Variants in SPG11 observed in about 807,000 individuals in gnomAD.
SPG11 encodes spatacsin.
Under a neutral mutation model 274.0 loss-of-function variants are expected in SPG11, and 222 were observed. That is an observed-to-expected ratio of 0.81 (90% CI 0.73 to 0.91). The LOEUF is 0.91. Ranked by LOEUF, SPG11 falls within the 40% of genes least tolerant of loss-of-function variation. SPG11 has a pLI of 0.00. For missense variants in SPG11, 3,114 were observed against 2,872.7 expected, an observed-to-expected ratio of 1.08 and a Z score of -1.92; for synonymous variants, 1,144 against 1,039.7, an observed-to-expected ratio of 1.10 and a Z score of -1.93.
chr15:44,636,943 AAAAAAAAAAAAAAAC>A lies in SPG11; in HGVS notation c.1603-3321_1603-3307del, dbSNP rs1462868799. On this transcript the variant is annotated intron_variant, in intron 7 of 39. Coordinates refer to ENST00000261866, the MANE Select transcript of SPG11 (RefSeq NM_025137.4). ...TCCATCTCAAAAAAAAAAAAAAAAA[AAAAAAAAAAAAAAAC>A]AAAAAAAAAACACAAATGTGGTAAA... Among the ~76,000 whole-genome samples the A allele has an allele frequency of 2.5e-3, 294 of 115,926 alleles. 6 individuals are homozygous for A. Among genetic ancestry groups the A allele is most frequent in the African/African-American group, 9.9e-3 (277 of 28,114 alleles). 76.1% of individuals were successfully genotyped at this position (115,926 alleles called of 152,430 possible).
In SPG11 at chr15:44,573,696, A is replaced by G. The variant is rs1268897921; in HGVS notation, c.6056T>C (p.Met2019Thr). ...CTGAGAGGCCAAGATTTTCCGGAGC[A>G]TGGCTTCACCATCCTGAGCAGCAAC... ...TDVAAQDGEAMLRKILASQQP... is the reference protein window; with the variant it reads ...TDVAAQDGEATLRKILASQQP... The change falls in exon 32 of 40, where the codon ATG (methionine) becomes ACG (threonine). Residue 2019 changes from methionine to threonine, a missense_variant. By Grantham distance (81) the Met-to-Thr change is moderately conservative. Transcript: ENST00000261866. 5.0e-6 allele frequency: 8 copies of G among 1,614,076 alleles called. No homozygotes were observed. Among genetic ancestry groups the G allele is most frequent in the Admixed American group, 1.7e-5 (1 of 59,996 alleles).
intron 7 of SPG11, among the ~76,000 whole-genome samples, chr15:44,634,626 G>A (rs760207369): frequency 1.3e-5 from 2 of 151,494 alleles, no homozygotes; most frequent in African/African-American, 2.4e-5. Flanking sequence ...TTGCTCTGTC[G>A]CCCAGGCTGG....
intron 30 of SPG11, among the ~76,000 whole-genome samples, chr15:44,580,223 A>G (rs1016177363): frequency 6.6e-6 from 1 of 152,236 alleles, no homozygotes; most frequent in Non-Finnish European, 1.5e-5. Flanking sequence ...ACTACAGTAC[A>G]GTAGCATGCT....
chr15:44,648,130 C>T lies in SPG11; in HGVS notation c.1602+736G>A, dbSNP rs115820058. ...TCTGTCTCATATGGTTGTTTTGGGA[C>T]CAAATTAGATATTCCATGTAAAAGA... On this transcript the variant is annotated intron_variant, in intron 7 of 39. Transcript: ENST00000261866. Among the ~76,000 whole-genome samples the T allele has an allele frequency of 2.4e-3, 372 of 152,166 alleles. 2 individuals carry two copies. Among genetic ancestry groups the T allele is most frequent in the African/African-American group, 8.7e-3 (360 of 41,510 alleles).
At position 44,564,240 on chromosome 15, in the gene SPG11, G is replaced by A. The variant is rs181845558; in HGVS notation, c.7151+307C>T. ...ACTCCTGACCTCAAGTGATCCTCCC[G>A]CCTCGGCCTCCCATAGTGCTGGGAT... On this transcript the variant is annotated intron_variant, in intron 39 of 39. Coordinates refer to ENST00000261866, the MANE Select transcript of SPG11 (RefSeq NM_025137.4). Among the ~76,000 whole-genome samples the A allele has an allele frequency of 4.1e-3, 617 of 152,216 alleles. 5 individuals are homozygous for A. The highest frequency in any genetic ancestry group is 0.014 in the African/African-American group (581 of 41,518).
rs910255626 is a variant in SPG11, at chr15:44,574,708, G to A, written c.6006+194C>T. On this transcript the variant is annotated intron_variant, in intron 31 of 39. Transcript: ENST00000261866. ...CTGAGCTGCAGCCAGGAGTCAGATC[G>A]CCCTGGCACCTGGCCTGGTGTCCTC... Among the ~76,000 whole-genome samples the A allele has an allele frequency of 2.0e-5, 3 of 152,118 alleles. No individual in the cohort carries two copies. The highest frequency in any genetic ancestry group is 4.4e-5 in the Non-Finnish European group (3 of 68,020).
intron 1 of SPG11, among the ~76,000 whole-genome samples, chr15:44,662,827 G>A (rs1333708949): frequency 1.3e-5 from 2 of 152,148 alleles, no homozygotes; most frequent in African/African-American, 4.8e-5. Context: ...AGAAAGAAGT[G>A]TCTTACTCAA....
intron 7 of SPG11, 22 bp downstream of exon 7, chr15:44,648,844 C>T (rs1269570262): frequency 1.9e-6 from 3 of 1,611,562 alleles, no homozygotes; most frequent in Admixed American, 3.3e-5. Flanking sequence ...AAGTAATGTT[C>T]TTGGGCATTT....
intron 7 of SPG11, among the ~76,000 whole-genome samples, chr15:44,637,710 AC>A (rs2084319434): frequency 1.3e-5 from 2 of 152,234 alleles, no homozygotes. Context: ...GGCTACATTT[AC>A]AATGGTGGTT....
At chr15:44,598,591 C>T (rs754363984) in intron 22 of SPG11, 40 bp downstream of exon 22, 6 of 1,589,132 alleles carry the variant, frequency 3.8e-6, no homozygotes, top group Non-Finnish European at 2.6e-6. Flanking sequence ...CCTCGTCACA[C>T]CTTCTCTAAA....
chr15:44,625,691 C>T (rs2141036310), intron 11 of SPG11, among the ~76,000 whole-genome samples: 1 of 152,158 alleles, frequency 6.6e-6, no homozygotes, highest in Admixed American at 6.6e-5. Context: ...TATTTAGTTA[C>T]TTTTTGAGAT....
intron 16 of SPG11, among the ~76,000 whole-genome samples, chr15:44,613,791 TAATA>T (rs1174144800): frequency 6.6e-6 from 1 of 152,234 alleles, no homozygotes; most frequent in African/African-American, 2.4e-5. Flanking sequence ...TTTATCAGAT[TAATA>T]GATACCTTGT....
intron 8 of SPG11, among the ~76,000 whole-genome samples, chr15:44,631,661 CTTT>C (rs778676384): frequency 8.0e-6 from 1 of 124,718 alleles, no homozygotes; most frequent in Non-Finnish European, 1.7e-5. Context: ...CTGCATCAGG[CTTT>C]TTTTTTTTTT....
rs753002460 is a variant in SPG11 at position 44,660,630 on chromosome 15, T to C, written c.258-14A>G. Reference sequence around the variant, plus strand: ...TCCCATAGAAAGCTAAGAAAAAAAGTTTAGATTTATTATATTCTATATCCG... The same window carrying C: ...TCCCATAGAAAGCTAAGAAAAAAAGCTTAGATTTATTATATTCTATATCCG... On this transcript the variant is annotated splice_polypyrimidine_tract_variant and intron_variant, in intron 1 of 39. Coordinates refer to ENST00000261866, the MANE Select transcript of SPG11 (RefSeq NM_025137.4). 1.2e-6 allele frequency: 2 copies of C among 1,612,504 alleles called. No individual in the cohort carries two copies. Among genetic ancestry groups the C allele is most frequent in the East Asian group, 4.5e-5 (2 of 44,866 alleles).
intron 11 of SPG11, among the ~76,000 whole-genome samples, chr15:44,625,577 C>T (rs983503418): frequency 4.6e-5 from 7 of 152,180 alleles, no homozygotes; most frequent in African/African-American, 1.7e-4. Context: ...TGTAAGTTTC[C>T]TGAGGCCTCC....
At chr15:44,595,913 T>C in intron 25 of SPG11, 170 bp downstream of exon 25, 1 of 854,188 alleles carries the variant, frequency 1.2e-6, no homozygotes, top group African/African-American at 1.7e-5. Context: ...GTACACCAAA[T>C]GGCCCAGAGC....
chr15:44,652,177 T>C lies in SPG11; in HGVS notation c.959A>G (p.Asn320Ser), dbSNP rs2084802198. 1.2e-6 allele frequency: 2 copies of C among 1,614,056 alleles called. No homozygotes were observed. The highest frequency in any genetic ancestry group is 1.1e-5 in the South Asian group (1 of 91,070). Residue 320 changes from asparagine (N) to serine (S), a missense_variant, in exon 5 of 40, where the codon AAC (asparagine) becomes AGC (serine). Asn to Ser is a conservative substitution (Grantham distance 46). Coordinates refer to ENST00000261866, the MANE Select transcript of SPG11 (RefSeq NM_025137.4). ...PKGVDEDDPV[N>S]SAYNMKLAKF... The stretch of plus-strand genomic sequence containing the variant: ...GGCCAGTTTCATGTTGTAGGCAGAG[T>C]TAACAGGATCATCTTCATCTACGCC...
At chr15:44,623,561 C>T (rs957682559) in intron 11 of SPG11, among the ~76,000 whole-genome samples, 1 of 151,796 alleles carries the variant, frequency 6.6e-6, no homozygotes, top group Non-Finnish European at 1.5e-5. Flanking sequence ...GAAGTAAAAC[C>T]ACAGAGCATA....
At chr15:44,583,230 G>A (rs763685544) in intron 30 of SPG11, among the ~76,000 whole-genome samples, 66 of 152,212 alleles carry the variant, frequency 4.3e-4, no homozygotes, top group Non-Finnish European at 8.1e-4. Flanking sequence ...CTATAATCTC[G>A]GCACTTTGGG....
Sources: allele counts gnomAD v4.1 joint callset (sites outside exome capture counted in the v4.1 genomes callset), GRCh38; gene constraint gnomAD v4.1.1; transcripts MANE v1.5; gene names NCBI Gene and HGNC (gene_info 2026-07-23, HGNC 2026-07-21).